The following STK32B variants were observed in gnomAD, a reference collection of about 807,000 sequenced individuals.
STK32B encodes the protein serine/threonine-protein kinase 32B.
A neutral mutation model predicts 52.6 loss-of-function variants in STK32B; 43 were observed. The ratio of observed to expected loss-of-function variants is 0.82; its 90% CI spans 0.64 to 1.05. The LOEUF (loss-of-function observed/expected upper bound fraction) is 1.05. Among genes scored for constraint, STK32B ranks in the 50% least tolerant of loss-of-function variants. The probability of loss-of-function intolerance (pLI) is 0.00; values close to 1 mark genes in which losing one functional copy is unlikely to be tolerated. For synonymous variants in STK32B, 238 were observed against 204.3 expected, an observed-to-expected ratio of 1.17 and a Z score of -1.41; for missense variants, 621 against 534.6, an observed-to-expected ratio of 1.16 and a Z score of -1.59.
chr4:5,147,014 A>G (rs1560177080), intron 2 of STK32B, among the ~76,000 whole-genome samples: 2 of 152,194 alleles, frequency 1.3e-5, no homozygotes, highest in Admixed American at 1.3e-4. Flanking sequence ...TCTTAAGAGT[A>G]GGGAGTCTTC....
At chr4:5,036,277 G>A in the STK32B span, among the ~76,000 whole-genome samples, 22 of 152,162 alleles carry the variant, frequency 1.4e-4, no homozygotes, top group Non-Finnish European at 2.9e-4. Context: ...TGAGTACCCA[G>A]CACTGAGCAT....
chr4:5,313,275 G>GA (rs1307131461), intron 3 of STK32B, among the ~76,000 whole-genome samples: 1 of 151,828 alleles, frequency 6.6e-6, no homozygotes, highest in African/African-American at 2.4e-5. Context: ...ACAAGCTAAA[G>GA]AAAAAATCCT....
intron 3 of STK32B, among the ~76,000 whole-genome samples, chr4:5,311,367 A>G: frequency 6.6e-6 from 1 of 152,160 alleles, no homozygotes; most frequent in East Asian, 1.9e-4. Context: ...ACTGTGGGTC[A>G]ATTAAACATA....
chr4:5,364,168 A>G lies in STK32B; in HGVS notation c.434+32775A>G, dbSNP rs116391250. 4.8e-3 allele frequency among the ~76,000 whole-genome samples: 724 copies of G among 152,326 alleles called. 6 individuals are homozygous for G. Among genetic ancestry groups the G allele is most frequent in the Middle Eastern group, 0.014 (4 of 294 alleles). On this transcript the variant is annotated intron_variant, in intron 4 of 11. Coordinates refer to ENST00000282908, the MANE Select transcript of STK32B (RefSeq NM_018401.3). ...AATCCTTCAAGATTTGACCCCCTTA[A>G]TTCTCACTTTTCCCACTGGTGCTTT...
intron 1 of STK32B, among the ~76,000 whole-genome samples, chr4:5,110,014 G>GAA (rs35239859): frequency 9.2e-4 from 136 of 147,266 alleles, no homozygotes; most frequent in African/African-American, 2.6e-3. Context: ...AATAGCCACA[G>GAA]AAAAAAAAAA....
upstream of STK32B, among the ~76,000 whole-genome samples, chr4:5,051,061 G>A (rs1741749455): frequency 6.6e-6 from 1 of 152,168 alleles, no homozygotes; most frequent in Admixed American, 6.5e-5. Context: ...AACCTTAAGA[G>A]GAACAGCGTC....
intron 3 of STK32B, among the ~76,000 whole-genome samples, chr4:5,321,049 T>A (rs1312861827): frequency 6.6e-6 from 1 of 151,886 alleles, no homozygotes; most frequent in Non-Finnish European, 1.5e-5. Flanking sequence ...TTTGAGAGAG[T>A]ACAAAAGGGC....
chr4:5,457,284 C>G (rs1456660856), intron 8 of STK32B, among the ~76,000 whole-genome samples: 2 of 146,494 alleles, frequency 1.4e-5, no homozygotes, highest in Non-Finnish European at 3.0e-5. Flanking sequence ...GGCGCAGTCT[C>G]GACTCACTGC....
At chr4:5,269,810 A>C (rs1727303118) in intron 3 of STK32B, among the ~76,000 whole-genome samples, 1 of 148,512 alleles carries the variant, frequency 6.7e-6, no homozygotes. Context: ...TGTGATATGA[A>C]AACCAAAGAT....
intron 3 of STK32B, among the ~76,000 whole-genome samples, chr4:5,298,221 A>G (rs1729331503): frequency 6.6e-6 from 1 of 151,790 alleles, no homozygotes; most frequent in Non-Finnish European, 1.5e-5. Context: ...GTGTCTGTCG[A>G]CCCCTGCTGC....
rs557080095 is a variant in STK32B, at chr4:5,392,555, C to T, written c.435-5652C>T. On this transcript the variant is annotated intron_variant, in intron 4 of 11. Transcript: ENST00000282908. ...TTCCTAATTTATTTTTTTTCATTTCCCCACCCACAGAGAGAGAACATTGAT... is the reference window on the plus strand; with the variant it reads ...TTCCTAATTTATTTTTTTTCATTTCTCCACCCACAGAGAGAGAACATTGAT... 1.3e-4 allele frequency among the ~76,000 whole-genome samples: 19 copies of T among 151,716 alleles called. No individual in the cohort carries two copies. The South Asian group carries it at 3.5e-3, about 28-fold the overall frequency.
intron 1 of STK32B, among the ~76,000 whole-genome samples, chr4:5,122,534 C>G (rs1715113154): frequency 6.6e-6 from 1 of 151,370 alleles, no homozygotes; most frequent in African/African-American, 2.5e-5. Flanking sequence ...CTCCTTCGTT[C>G]ACTCATTCTT....
intron 9 of STK32B, among the ~76,000 whole-genome samples, chr4:5,463,124 G>A (rs1337415153): frequency 1.3e-5 from 2 of 152,252 alleles, no homozygotes; most frequent in Admixed American, 6.5e-5. Flanking sequence ...GCGCATTCCC[G>A]TGGCTGACTT....
In STK32B at chr4:5,456,910, C is replaced by T. The variant is rs1716580080; in HGVS notation, c.770C>T (p.Ala257Val). ...YSSTWCKGMV[A>V]LLRKLLTKDP... The stretch of plus-strand genomic sequence containing the variant: ...TCCACGTGGTGCAAGGGGATGGTGG[C>T]CCTGCTGAGGAAGGTAAGGGGGCAG... The change falls in exon 8 of 12, where the codon GCC becomes GTC. Residue 257 changes from alanine (A) to valine (V), a missense_variant. Transcript: ENST00000282908. 1.3e-6 allele frequency: 2 copies of T among 1,562,482 alleles called. No homozygotes were observed. The highest frequency in any genetic ancestry group is 1.9e-5 in the Admixed American group (1 of 53,036).
intron 1 of STK32B, among the ~76,000 whole-genome samples, chr4:5,089,976 CT>C (rs1712975913): frequency 6.6e-6 from 1 of 152,126 alleles, no homozygotes; most frequent in East Asian, 1.9e-4. Context: ...TGATGTTGAG[CT>C]TTTTTTCATA....
chr4:5,177,540 C>T (rs1720007989), intron 3 of STK32B, among the ~76,000 whole-genome samples: 1 of 152,198 alleles, frequency 6.6e-6, no homozygotes, highest in Non-Finnish European at 1.5e-5. Flanking sequence ...GCCTTCCCAA[C>T]AGTCCCCCAA....
At chr4:5,328,021 G>T (rs934959188) in intron 3 of STK32B, among the ~76,000 whole-genome samples, 1 of 152,166 alleles carries the variant, frequency 6.6e-6, no homozygotes, top group South Asian at 2.1e-4. Context: ...TGGAGATGGC[G>T]TCTTTTCTTT....
chr4:5,276,878 A>G (rs1727859038), intron 3 of STK32B, among the ~76,000 whole-genome samples: 4 of 152,124 alleles, frequency 2.6e-5, no homozygotes, highest in Admixed American at 2.0e-4. Flanking sequence ...ATTGCCTCCC[A>G]GTGAGAGCAA....
chr4:5,054,196 C>A (rs1741906447), intron 1 of STK32B, among the ~76,000 whole-genome samples: 1 of 152,112 alleles, frequency 6.6e-6, no homozygotes, highest in Admixed American at 6.5e-5. Flanking sequence ...CACCCCTGTG[C>A]TGGGGACCGG....
Sources: gnomAD v4.1 joint callset for allele counts (sites outside exome capture counted in the v4.1 genomes callset) on GRCh38, gnomAD v4.1.1 for gene constraint, MANE v1.5 for transcripts, NCBI Gene and HGNC (gene_info 2026-07-23, HGNC 2026-07-21) for gene names.